Variants in SLC22A12 observed in about 807,000 individuals in gnomAD.
The protein encoded by SLC22A12 is organic anion transporter 4-like protein.
In SLC22A12, 56 loss-of-function variants were observed where a neutral mutation model predicts 52.7. The ratio of observed to expected loss-of-function variants is 1.06; its 90% confidence interval spans 0.86 to 1.33. SLC22A12 has a LOEUF of 1.33. SLC22A12 is among the 40% of genes most tolerant of loss of function. The pLI is 0.00. For synonymous variants in SLC22A12, 337 were observed against 324.6 expected, an observed-to-expected ratio of 1.04 and a Z score of -0.41; for missense variants, 683 against 741.5, an observed-to-expected ratio of 0.92 and a Z score of 0.92.
intron 6 of SLC22A12, 136 bp downstream of exon 6, chr11:64,599,059 CACT>C: frequency 7.7e-7 from 1 of 1,305,572 alleles, no homozygotes. Context: ...CTCTGTCAGT[CACT>C]CCCGACAGGA....
rs779744744 is a variant in SLC22A12 at position 64,600,369 on chromosome 11, A to G, written c.1288A>G (p.Met430Val). 10 of 1,600,994 alleles carry G rather than the reference A, an allele frequency of 6.2e-6. No individual in the cohort carries two copies. The African/African-American group carries it at 1.2e-4, about 19-fold the overall frequency. Residue 430 changes from methionine (M) to valine (V), a missense_variant and splice_region_variant, in exon 8 of 10, where the codon ATG (methionine) becomes GTG (valine). Transcript: ENST00000377574. ...ACTAATCCCATCTCTACCCACAGAA[A>G]TGGGGGCTCTGCGCTCAGCCTTGGC... ...ILANTLVPHE[M>V]GALRSALAVL...
rs1231555936 is a variant in SLC22A12 at position 64,591,252 on chromosome 11, C to G, written c.-305C>G. The G allele has an allele frequency of 2.2e-6, 1 of 455,060 alleles. No homozygotes were observed. The highest frequency in any genetic ancestry group is 4.0e-6 in the Non-Finnish European group (1 of 252,422). The allele number at this position is 455,060 out of a possible 1,614,324, so 28.2% of individuals were successfully genotyped here. Reference sequence around the variant, plus strand: ...AATTAAAGTCTTCAGTCTCCACATTCCCTACTTTCCAAATTCAGCTTTCCC... The same window carrying G: ...AATTAAAGTCTTCAGTCTCCACATTGCCTACTTTCCAAATTCAGCTTTCCC... On this transcript the variant is annotated 5_prime_UTR_variant, in exon 1 of 10. Coordinates refer to ENST00000377574, the MANE Select transcript of SLC22A12 (RefSeq NM_144585.4).
chr11:64,598,038 C>G (rs1443348161), intron 4 of SLC22A12, among the ~76,000 whole-genome samples: 3 of 152,110 alleles, frequency 2.0e-5, no homozygotes, highest in African/African-American at 7.2e-5. Flanking sequence ...AAGATGCAGC[C>G]ATGGGGTGGA....
chr11:64,599,591 G>GCCCCCCCCCCCCCTTGTTC, intron 6 of SLC22A12, 85 bp from the exon 7 acceptor site: 8 of 617,174 alleles, frequency 1.3e-5, no homozygotes, highest in South Asian at 2.6e-5. Context: ...CCCACCCTGA[G>GCCCCCCCCCCCCCTTGTTC]CCCCCACCGC....
intron 4 of SLC22A12, among the ~76,000 whole-genome samples, chr11:64,596,991 A>G (rs1464920058): frequency 6.6e-6 from 1 of 152,180 alleles, no homozygotes; most frequent in Admixed American, 6.5e-5. Context: ...GCTGGCTGAC[A>G]CCAGCTATGA....
chr11:64,600,947 A>G lies in SLC22A12; in HGVS notation c.1598+9A>G, dbSNP rs2039436159. 6.2e-7 allele frequency: 1 copy of G among 1,606,334 alleles called. No homozygotes were observed. The highest frequency in any genetic ancestry group is 8.5e-7 in the Non-Finnish European group (1 of 1,179,878). ...CAAGATGTGCAGAACCAGTGAGTGG[A>G]CCCAGCCTCGGGACCACCCCTCCCT... On this transcript the variant is annotated intron_variant, in intron 9 of 9. Coordinates refer to ENST00000377574, the MANE Select transcript of SLC22A12 (RefSeq NM_144585.4).
chr11:64,599,931 G>T (rs1447627291), intron 7 of SLC22A12, 41 bp downstream of exon 7: 1 of 1,589,494 alleles, frequency 6.3e-7, no homozygotes, highest in South Asian at 1.1e-5. Flanking sequence ...TCCCTACCTT[G>T]GGGGGGTCTC....
intron 4 of SLC22A12, among the ~76,000 whole-genome samples, chr11:64,598,237 T>G (rs893735416): frequency 6.6e-6 from 1 of 151,974 alleles, no homozygotes; most frequent in African/African-American, 2.4e-5. Flanking sequence ...CAGGAAGGGT[T>G]CCACAGAGTC....
intron 4 of SLC22A12, among the ~76,000 whole-genome samples, chr11:64,595,293 GGAT>G (rs2039113771): frequency 6.9e-5 from 1 of 14,558 alleles, no homozygotes. Flanking sequence ...ATGGATGGTT[GGAT>G]GGATGGATGG....
chr11:64,594,829 G>C (rs1378144933), intron 4 of SLC22A12, among the ~76,000 whole-genome samples: 1 of 151,096 alleles, frequency 6.6e-6, no homozygotes, highest in Non-Finnish European at 1.5e-5. Flanking sequence ...TGGGTGGATG[G>C]ACGGACGGAT....
Position 64,600,838 on chromosome 11 carries a change from G to A in SLC22A12, c.1498G>A (p.Val500Met), listed in dbSNP as rs1290130109. 14 of 1,607,986 alleles carry A rather than the reference G, an allele frequency of 8.7e-6. No individual in the cohort carries two copies. The highest frequency in any genetic ancestry group is 3.4e-4 in the Middle Eastern group (2 of 5,876). The change falls in exon 9 of 10, where the codon GTG (valine) becomes ATG (methionine). Residue 500 changes from valine (V) to methionine (M), a missense_variant. Physicochemically the swap from Val to Met is conservative, Grantham distance 21 (BLOSUM62 1). Coordinates refer to ENST00000377574, the MANE Select transcript of SLC22A12 (RefSeq NM_144585.4). The part of the protein sequence containing the change: ...GVHGPWLPLL[V>M]YGTVPVLSGL... ...CCATGGCCCCTGGCTGCCCTTGCTG[G>A]TGTATGGGACGGTGCCAGTGCTGAG...
intron 6 of SLC22A12, 67 bp from the exon 7 acceptor site, chr11:64,599,609 T>TTCCCCCCCC: frequency 4.5e-6 from 1 of 221,474 alleles, no homozygotes. Flanking sequence ...CGCCCATTGT[T>TTCCCCCCCC]CCCACCCTGC....
Position 64,592,891 on chromosome 11 carries a change from C to A in SLC22A12, c.506+9C>A, listed in dbSNP as rs760797475. 6.2e-7 allele frequency: 1 copy of A among 1,611,262 alleles called. No individual in the cohort carries two copies. Among genetic ancestry groups the A allele is most frequent in the East Asian group, 2.2e-5 (1 of 44,866 alleles). On this transcript the variant is annotated intron_variant, in intron 2 of 9. Transcript: ENST00000377574. ...GGCCCTGCCTCAGACAGGTGAGTAC[C>A]CCCAGTCCAGGCAGGTCCCAGTTCC...
At position 64,599,740 on chromosome 11, in the gene SLC22A12, T is replaced by C. The variant is rs372225207; in HGVS notation, c.1135T>C (p.Phe379Leu). 4 of 1,609,142 alleles carry C rather than the reference T, an allele frequency of 2.5e-6. No individual in the cohort carries two copies. The African/African-American group carries it at 4.0e-5, about 16-fold the overall frequency. ...CCTGCAGGCCCTGGGCAGCAACATC[T>C]TCCTGCTCCAAATGTTCATTGGTGT... ...LDLQALGSNIFLLQMFIGVVD... is the reference protein window; with the variant it reads ...LDLQALGSNILLLQMFIGVVD... The change falls in exon 7 of 10, where the codon TTC (phenylalanine) becomes CTC (leucine). Residue 379 changes from phenylalanine (F) to leucine (L), a missense_variant. Transcript: ENST00000377574.
chr11:64,592,001 G>A (rs763949796), intron 1 of SLC22A12, 43 bp downstream of exon 1: 1 of 1,598,376 alleles, frequency 6.3e-7, no homozygotes, highest in South Asian at 1.1e-5. Flanking sequence ...CCACCTTGGA[G>A]GTCAGTCATG....
At chr11:64,599,935 G>A (rs768146811) in intron 7 of SLC22A12, 45 bp downstream of exon 7, 1 of 1,583,492 alleles carries the variant, frequency 6.3e-7, no homozygotes, top group Non-Finnish European at 8.6e-7. Flanking sequence ...TACCTTGGGG[G>A]GGTCTCGGGC....
chr11:64,601,005 C>G, intron 9 of SLC22A12, 67 bp downstream of exon 9: 1 of 1,574,304 alleles, frequency 6.4e-7, no homozygotes, highest in Non-Finnish European at 8.6e-7. Context: ...GGGCAGCCTG[C>G]TCACCCATCC....
chr11:64,598,191 C>A (rs967050321), intron 4 of SLC22A12, among the ~76,000 whole-genome samples: 1 of 151,964 alleles, frequency 6.6e-6, no homozygotes, highest in South Asian at 2.1e-4. Context: ...GGGTTCCTAG[C>A]GAGGCAGGGG....
chr11:64,597,268 C>T (rs1175709098), intron 4 of SLC22A12, among the ~76,000 whole-genome samples: 1 of 152,132 alleles, frequency 6.6e-6, no homozygotes, highest in African/African-American at 2.4e-5. Flanking sequence ...TCCACACTCT[C>T]TCCCTCAGGC....
Sources: allele counts gnomAD v4.1 joint callset (sites outside exome capture counted in the v4.1 genomes callset), GRCh38; gene constraint gnomAD v4.1.1; transcripts MANE v1.5; gene names NCBI Gene and HGNC (gene_info 2026-07-23, HGNC 2026-07-21).